GCSAM: variants seen among roughly 807,000 people sequenced by gnomAD.
GCSAM encodes germinal center associated signaling and motility, also known as germinal center-associated signaling and motility protein.
In GCSAM, 8 loss-of-function variants were observed where a neutral mutation model predicts 17.6. That is an observed-to-expected ratio of 0.46 (90% CI 0.27 to 0.82). GCSAM has a LOEUF of 0.82. Among genes scored for constraint, GCSAM ranks in the 40% least tolerant of loss-of-function variants. The pLI is 0.15. For synonymous variants in GCSAM, 68 were observed against 69.0 expected (o/e 0.98, Z 0.07); for missense variants, 192 against 213.5 (o/e 0.90, Z 0.63).
At chr3:112,125,087 G>A (rs1196455451) in intron 5 of GCSAM, 139 bp downstream of exon 5, 10 of 678,180 alleles carry the variant, frequency 1.5e-5, no homozygotes, top group South Asian at 8.7e-5. Flanking sequence ...CCTGCCACCC[G>A]AGTTCACAAG....
intron 2 of GCSAM, chr3:112,128,666 G>T (rs955846205): frequency 5.7e-6 from 1 of 175,346 alleles, no homozygotes; most frequent in South Asian, 1.3e-4. Context: ...GAATAGCCAA[G>T]GACAGGACAA....
rs555553481 is a variant in GCSAM at position 112,131,924 on chromosome 3, GT to G, written c.29+1167del. ...TAAGATGTGTGCACCTTGGAAAAAG[GT>G]TTTTTTTCTTACATAAAACAAAATT... On this transcript the variant is annotated intron_variant, in intron 1 of 5. Coordinates refer to ENST00000308910, the MANE Select transcript of GCSAM (RefSeq NM_152785.5). 4.7e-3 allele frequency among the ~76,000 whole-genome samples: 714 copies of G among 151,842 alleles called. 2 individuals carry two copies. Among genetic ancestry groups the G allele is most frequent in the Non-Finnish European group, 8.1e-3 (550 of 67,940 alleles).
chr3:112,124,612 AAAAT>A (rs983933609), intron 5 of GCSAM, among the ~76,000 whole-genome samples: 3 of 152,186 alleles, frequency 2.0e-5, no homozygotes, highest in African/African-American at 7.2e-5. Flanking sequence ...CTGTCTCCAA[AAAAT>A]AAATAAATAA....
chr3:112,131,680 A>G (rs895406802), intron 1 of GCSAM, among the ~76,000 whole-genome samples: 2 of 152,178 alleles, frequency 1.3e-5, no homozygotes, highest in Admixed American at 1.3e-4. Context: ...CAAACTGATC[A>G]ACTATTTGGA....
At position 112,133,179 on chromosome 3, in the gene GCSAM, G is replaced by A; in HGVS notation, c.-59C>T. Reference sequence around the variant, plus strand: ...CTTTACCACTTCCTTCTTGCCTTGTGCTCTGACAGGGCAACTCCTGACTTA... The same window carrying A: ...CTTTACCACTTCCTTCTTGCCTTGTACTCTGACAGGGCAACTCCTGACTTA... On this transcript the variant is annotated 5_prime_UTR_variant, in exon 1 of 6. Coordinates refer to ENST00000308910, the MANE Select transcript of GCSAM (RefSeq NM_152785.5). The A allele has an allele frequency of 1.9e-6, 3 of 1,572,442 alleles. No individual in the cohort carries two copies. The highest frequency in any genetic ancestry group is 1.8e-6 in the Non-Finnish European group (2 of 1,142,220).
In GCSAM at chr3:112,130,416, G is replaced by C. The variant is rs372190440; in HGVS notation, c.98+29C>G. On this transcript the variant is annotated intron_variant, in intron 2 of 5. Coordinates refer to ENST00000308910, the MANE Select transcript of GCSAM (RefSeq NM_152785.5). ...ACTTCGTTCTCCTTGGGCAAGGTCTGGGGGGTGTTTGGTTGATTTTGCTCT... is the reference window on the plus strand; with the variant it reads ...ACTTCGTTCTCCTTGGGCAAGGTCTCGGGGGTGTTTGGTTGATTTTGCTCT... The C allele has an allele frequency of 8.8e-6, 14 of 1,585,366 alleles. No homozygotes were observed. The East Asian group carries it at 2.7e-4, about 30-fold the overall frequency.
intron 5 of GCSAM, among the ~76,000 whole-genome samples, chr3:112,124,382 G>T (rs1419988176): frequency 6.6e-6 from 1 of 152,166 alleles, no homozygotes; most frequent in Admixed American, 6.5e-5. Context: ...GCCGAAGTGG[G>T]TGGATCACCT....
At chr3:112,125,459 TGA>T (rs954796985) in intron 4 of GCSAM, among the ~76,000 whole-genome samples, 2 of 151,904 alleles carry the variant, frequency 1.3e-5, no homozygotes, top group African/African-American at 4.8e-5. Flanking sequence ...GCCTGAGAGG[TGA>T]GAGGGGGGAG....
Position 112,133,207 on chromosome 3 carries a change from G to T in GCSAM, c.-87C>A. On this transcript the variant is annotated 5_prime_UTR_variant, in exon 1 of 6. Transcript: ENST00000308910. ...CTGACAGGGCAACTCCTGACTTAAAGAAAGGGCTGTGTGGCTCTGGCCACC... is the reference window on the plus strand; with the variant it reads ...CTGACAGGGCAACTCCTGACTTAAATAAAGGGCTGTGTGGCTCTGGCCACC... The T allele has an allele frequency of 6.8e-7, 1 of 1,461,774 alleles. No homozygotes were observed. Among genetic ancestry groups the T allele is most frequent in the South Asian group, 1.1e-5 (1 of 87,246 alleles). The allele number at this position is 1,461,774 out of a possible 1,614,324, so 90.6% of individuals were successfully genotyped here. A position where few individuals can be genotyped will look rare whatever the true frequency, so the allele number is the denominator to read the frequency against.
At chr3:112,127,838 A>G (rs946148610) in intron 3 of GCSAM, among the ~76,000 whole-genome samples, 179 bp downstream of exon 3, 1 of 152,130 alleles carries the variant, frequency 6.6e-6, no homozygotes, top group African/African-American at 2.4e-5. Context: ...CCATGAGACT[A>G]TTGTTCCTGT....
chr3:112,126,774 T>C (rs1310429119), intron 4 of GCSAM, among the ~76,000 whole-genome samples: 3 of 152,198 alleles, frequency 2.0e-5, no homozygotes, highest in African/African-American at 7.2e-5. Context: ...CCTCAGGCAC[T>C]AACTGAGGAA....
At chr3:112,126,882 A>G (rs921123737) in intron 4 of GCSAM, 105 bp downstream of exon 4, 18 of 801,978 alleles carry the variant, frequency 2.2e-5, no homozygotes, top group Non-Finnish European at 3.7e-5. Flanking sequence ...ATGTGTAGAT[A>G]TTGTAATTGA....
At chr3:112,125,298 G>A (rs769045841) in intron 4 of GCSAM, 44 bp from the exon 5 acceptor site, 2 of 1,358,618 alleles carry the variant, frequency 1.5e-6, no homozygotes, top group African/African-American at 1.4e-5. Flanking sequence ...GTTATGGGGA[G>A]ATTTGAAGGG....
chr3:112,128,007 G>A lies in GCSAM; in HGVS notation c.143+10C>T. ...AGGGAAATAACTCCTAAAAACAACTGTCCACTCACCATGGAAGGCAGAAAC... is the reference window on the plus strand; with the variant it reads ...AGGGAAATAACTCCTAAAAACAACTATCCACTCACCATGGAAGGCAGAAAC... On this transcript the variant is annotated intron_variant, in intron 3 of 5. Coordinates refer to ENST00000308910, the MANE Select transcript of GCSAM (RefSeq NM_152785.5). 1 of 1,611,594 alleles carries A rather than the reference G, an allele frequency of 6.2e-7. No individual in the cohort carries two copies.
chr3:112,132,686 T>A lies in GCSAM; in HGVS notation c.29+406A>T, dbSNP rs547284027. 14 of 987,896 alleles carry A rather than the reference T, an allele frequency of 1.4e-5. No individual in the cohort carries two copies. The African/African-American group carries it at 2.1e-4, about 15-fold the overall frequency. The allele number at this position is 987,896 out of a possible 1,614,324, so 61.2% of individuals were successfully genotyped here. On this transcript the variant is annotated intron_variant, in intron 1 of 5. Transcript: ENST00000308910. Reference sequence around the variant, plus strand: ...AGGAAGACTCAAGGTGGCAGGAAGCTTGCTGTTTATTTCAAACTTAAAATA... The same window carrying A: ...AGGAAGACTCAAGGTGGCAGGAAGCATGCTGTTTATTTCAAACTTAAAATA...
At chr3:112,128,247 T>G (rs2074374920) in intron 2 of GCSAM, 186 bp from the exon 3 acceptor site, 2 of 701,936 alleles carry the variant, frequency 2.8e-6, no homozygotes, top group Admixed American at 2.0e-5. Flanking sequence ...AAGATGATAC[T>G]ATCAAATTCC....
Position 112,120,873 on chromosome 3 carries a change from T to C in GCSAM, c.*2582A>G, listed in dbSNP as rs2074181364. On this transcript the variant is annotated 3_prime_UTR_variant, in exon 6 of 6. Coordinates refer to ENST00000308910, the MANE Select transcript of GCSAM (RefSeq NM_152785.5). The stretch of plus-strand genomic sequence containing the variant: ...ACATTAAAATTTATTTACTGGAAAT[T>C]TGAGACATCCTACATATTAAGTATA... The C allele has an allele frequency of 6.6e-6, 1 of 152,330 alleles. No individual in the cohort carries two copies. Among genetic ancestry groups the C allele is most frequent in the South Asian group, 2.1e-4 (1 of 4,824 alleles). 9.4% of individuals were successfully genotyped at this position (152,330 alleles called of 1,614,324 possible).
At chr3:112,132,828 A>C in intron 1 of GCSAM, 1 of 436,822 alleles carries the variant, frequency 2.3e-6, no homozygotes, top group Non-Finnish European at 3.8e-6. Context: ...AACCTATTAT[A>C]TAGACCTTCC....
chr3:112,133,057 T>C, intron 1 of GCSAM, 35 bp downstream of exon 1: 1 of 1,605,942 alleles, frequency 6.2e-7, no homozygotes, highest in Non-Finnish European at 8.5e-7. Flanking sequence ...TCCTGTCCCA[T>C]CTCCTCTGCT....
Sources: gnomAD v4.1 joint callset for allele counts (sites outside exome capture counted in the v4.1 genomes callset) on GRCh38, gnomAD v4.1.1 for gene constraint, MANE v1.5 for transcripts, NCBI Gene and HGNC (gene_info 2026-07-23, HGNC 2026-07-21) for gene names.